GALNT13: variants seen among roughly 807,000 people sequenced by gnomAD.
GALNT13 encodes the protein polypeptide N-acetylgalactosaminyltransferase 13, also known as UDP-GalNAc:polypeptide N-acetylgalactosaminyltransferase 13.
GALNT13 carries 28 observed loss-of-function variants against 64.2 expected under a neutral mutation model. The ratio of observed to expected loss-of-function variants is 0.44; its 90% CI spans 0.32 to 0.60. The LOEUF is 0.60. GALNT13 is among the 20% of genes least tolerant of loss of function. The probability of loss-of-function intolerance (pLI) is 0.05; values close to 1 mark genes in which losing one functional copy is unlikely to be tolerated. For synonymous variants in GALNT13, 214 were observed against 224.6 expected, an observed-to-expected ratio of 0.95 and a Z score of 0.42; for missense variants, 577 against 669.8, an observed-to-expected ratio of 0.86 and a Z score of 1.53.
At chr2:154,011,224 G>GCGATTAGTGTGCTGTAAA (rs147554714) in intron 3 of GALNT13, among the ~76,000 whole-genome samples, 1 of 151,880 alleles carries the variant, frequency 6.6e-6, no homozygotes, top group East Asian at 1.9e-4. Context: ...TTGTGATGTA[G>GCGATTAGTGTGCTGTAAA]CTTTCTTCTT....
chr2:153,367,176 T>C, the GALNT13 span, among the ~76,000 whole-genome samples: 38 of 152,128 alleles, frequency 2.5e-4, no homozygotes, highest in African/African-American at 8.7e-4. Context: ...TAGTTTATCT[T>C]AAATTGTTCC....
At chr2:153,834,162 T>A in the GALNT13 span, among the ~76,000 whole-genome samples, 1 of 152,110 alleles carries the variant, frequency 6.6e-6, no homozygotes, top group Non-Finnish European at 1.5e-5. Context: ...ATATTTTCTG[T>A]TGTAAAGCTC....
intron 8 of GALNT13, among the ~76,000 whole-genome samples, chr2:154,298,828 A>T (rs1171878939): frequency 2.7e-3 from 12 of 4,376 alleles, no homozygotes; most frequent in African/African-American, 6.7e-3. Flanking sequence ...TTATATATAC[A>T]TTATATATAA....
At chr2:153,608,174 A>G in the GALNT13 span, among the ~76,000 whole-genome samples, 1 of 152,202 alleles carries the variant, frequency 6.6e-6, no homozygotes, top group Non-Finnish European at 1.5e-5. Flanking sequence ...AGAGGAGGTT[A>G]AGAGATTAAT....
Position 154,446,571 on chromosome 2 carries a change from C to T in GALNT13, c.1531-3840C>T. On this transcript the variant is annotated intron_variant, in intron 12 of 12. Coordinates refer to ENST00000392825, the MANE Select transcript of GALNT13 (RefSeq NM_052917.4). ...CGTTATTTTCTTTGTCAAACAGACCCACACTCTTCTTCATATAATCACCCA... is the reference window on the plus strand; with the variant it reads ...CGTTATTTTCTTTGTCAAACAGACCTACACTCTTCTTCATATAATCACCCA... 1.9e-6 allele frequency: 3 copies of T among 1,539,670 alleles called. No homozygotes were observed. The East Asian group carries it at 7.4e-5, about 38-fold the overall frequency.
chr2:153,387,920 G>T, the GALNT13 span, among the ~76,000 whole-genome samples: 3 of 151,954 alleles, frequency 2.0e-5, no homozygotes, highest in African/African-American at 7.2e-5. Flanking sequence ...TCATCAGGTA[G>T]CCCATGGGAG....
chr2:153,598,634 C>G, the GALNT13 span, among the ~76,000 whole-genome samples: 2 of 152,058 alleles, frequency 1.3e-5, no homozygotes, highest in African/African-American at 4.8e-5. Flanking sequence ...CAGTGCCTGG[C>G]ACATTGTAAG....
At chr2:153,362,042 C>T in the GALNT13 span, among the ~76,000 whole-genome samples, 1 of 152,114 alleles carries the variant, frequency 6.6e-6, no homozygotes, top group Admixed American at 6.5e-5. Flanking sequence ...ACCGTACAAG[C>T]CAGAAGAGAG....
chr2:153,380,136 C>T, the GALNT13 span, among the ~76,000 whole-genome samples: 1 of 152,094 alleles, frequency 6.6e-6, no homozygotes, highest in Non-Finnish European at 1.5e-5. Flanking sequence ...CCTCCACATA[C>T]ATAGATTCAA....
chr2:153,297,191 G>A, the GALNT13 span, among the ~76,000 whole-genome samples: 1 of 152,112 alleles, frequency 6.6e-6, no homozygotes, highest in Non-Finnish European at 1.5e-5. Context: ...AAGAGACTGT[G>A]TTACATTATT....
At chr2:153,646,770 A>G in the GALNT13 span, among the ~76,000 whole-genome samples, 3 of 152,076 alleles carry the variant, frequency 2.0e-5, no homozygotes, top group African/African-American at 4.8e-5. Flanking sequence ...AGCTTCATCC[A>G]TGTCCCTACA....
intron 4 of GALNT13, among the ~76,000 whole-genome samples, chr2:154,203,773 G>A (rs1687296235): frequency 6.6e-6 from 1 of 152,092 alleles, no homozygotes; most frequent in African/African-American, 2.4e-5. Context: ...GCTCTATAAT[G>A]TAGCCTGAAT....
At chr2:153,653,231 A>G in the GALNT13 span, among the ~76,000 whole-genome samples, 4 of 152,292 alleles carry the variant, frequency 2.6e-5, no homozygotes, top group African/African-American at 9.6e-5. Context: ...AAGGAGGGGA[A>G]GCAGAATTGG....
the GALNT13 span, among the ~76,000 whole-genome samples, chr2:153,330,855 C>T: frequency 2.0e-5 from 3 of 152,112 alleles, no homozygotes; most frequent in Non-Finnish European, 2.9e-5. Flanking sequence ...TGTCTTCTTC[C>T]AGTTCTCAAG....
intron 3 of GALNT13, among the ~76,000 whole-genome samples, chr2:154,059,284 A>G (rs1700054311): frequency 6.6e-6 from 1 of 152,230 alleles, no homozygotes; most frequent in African/African-American, 2.4e-5. Flanking sequence ...GAAGATAAAA[A>G]TAACTAGGGA....
chr2:154,176,971 A>G (rs1237603733), intron 4 of GALNT13, among the ~76,000 whole-genome samples: 2 of 152,208 alleles, frequency 1.3e-5, no homozygotes, highest in Non-Finnish European at 2.9e-5. Context: ...CTTATTAGAT[A>G]TGCAGATTCA....
the GALNT13 span, among the ~76,000 whole-genome samples, chr2:153,725,115 A>G: frequency 4.7e-5 from 7 of 148,706 alleles, no homozygotes; most frequent in African/African-American, 1.7e-4. Context: ...ACCATGGAAT[A>G]CTATGCAGCC....
At chr2:153,125,249 T>G in the GALNT13 span, among the ~76,000 whole-genome samples, 1 of 152,222 alleles carries the variant, frequency 6.6e-6, no homozygotes, top group Non-Finnish European at 1.5e-5. Flanking sequence ...GGTGTCTGGT[T>G]TCCAGGCCAG....
chr2:153,430,527 GGA>G, the GALNT13 span, among the ~76,000 whole-genome samples: 77,513 of 140,608 alleles, frequency 0.55, 21,735 homozygotes, highest in Non-Finnish European at 0.62. Flanking sequence ...AGGTAGGTAG[GGA>G]GAGAGAGAGA....
Sources: allele counts gnomAD v4.1 joint callset (sites outside exome capture counted in the v4.1 genomes callset), GRCh38; gene constraint gnomAD v4.1.1; transcripts MANE v1.5; gene names NCBI Gene and HGNC (gene_info 2026-07-23, HGNC 2026-07-21).